The following USP6NL variants were observed in gnomAD, a reference collection of about 807,000 sequenced individuals.
USP6NL encodes USP6 N-terminal-like protein.
Under a neutral mutation model 61.9 loss-of-function variants are expected in USP6NL, and 26 were observed. The ratio of observed to expected loss-of-function variants is 0.42; its 90% CI spans 0.31 to 0.58. The LOEUF is 0.58. USP6NL is among the 20% of genes least tolerant of loss of function. The pLI is 0.16. For missense variants in USP6NL, 1,114 were observed against 1,034.3 expected, an observed-to-expected ratio of 1.08 and a Z score of -1.06; for synonymous variants, 432 against 390.1, an observed-to-expected ratio of 1.11 and a Z score of -1.27.
intron 6 of USP6NL, among the ~76,000 whole-genome samples, chr10:11,501,890 A>C (rs1834212440): frequency 6.6e-6 from 1 of 152,166 alleles, no homozygotes; most frequent in Admixed American, 6.5e-5. Flanking sequence ...CATTGATGCT[A>C]TCTGATAAGA....
chr10:11,591,664 A>C lies in USP6NL; in HGVS notation c.4+5967T>G, dbSNP rs547667348. On this transcript the variant is annotated intron_variant, in intron 2 of 14. Transcript: ENST00000609104. This position sits in a 1 kb window ranked among gnomAD's most constrained non-coding sequence, Gnocchi z 4.7. ...GAAAGGGAGAGGGAGAATCAAATGG[A>C]CAAAATGTAAATATTTGATAAATCT... Among the ~76,000 whole-genome samples the C allele has an allele frequency of 2.0e-5, 3 of 152,272 alleles. No homozygotes were observed. The East Asian group carries it at 5.8e-4, about 29-fold the overall frequency.
chr10:11,609,652 C>T (rs907446417), intron 1 of USP6NL, among the ~76,000 whole-genome samples: 1 of 152,182 alleles, frequency 6.6e-6, no homozygotes, highest in South Asian at 2.1e-4. Context: ...GCCTCTTTTT[C>T]ACCCATCTTA....
chr10:11,576,426 T>A (rs999292824), intron 2 of USP6NL, among the ~76,000 whole-genome samples: 3 of 152,194 alleles, frequency 2.0e-5, no homozygotes, highest in Non-Finnish European at 2.9e-5. Flanking sequence ...GGTGATGGTA[T>A]CATGAAGCAG....
At chr10:11,469,530 T>G (rs529520419) in intron 14 of USP6NL, among the ~76,000 whole-genome samples, 40 of 152,206 alleles carry the variant, frequency 2.6e-4, no homozygotes, top group Admixed American at 2.6e-3. Context: ...AACTACTGTT[T>G]AAGAGGAATA....
intron 6 of USP6NL, among the ~76,000 whole-genome samples, chr10:11,502,764 A>G (rs1369295814): frequency 6.6e-6 from 1 of 152,216 alleles, no homozygotes; most frequent in Non-Finnish European, 1.5e-5. Context: ...AAAACAGTGA[A>G]TACTGTAAGG....
At chr10:11,578,959 G>GAA (rs1410293386) in intron 2 of USP6NL, among the ~76,000 whole-genome samples, 1 of 152,146 alleles carries the variant, frequency 6.6e-6, no homozygotes, top group Non-Finnish European at 1.5e-5. Context: ...TTATACCACA[G>GAA]AAATTAGCAA....
Position 11,500,394 on chromosome 10 carries a change from A to AC in USP6NL, c.384+706_384+707insG, listed in dbSNP as rs528084004. ...ATTTTTTCCCATTTATTCCACATTA[A>AC]TTTTTTTGTACATATTTTCTAAGGA... On this transcript the variant is annotated intron_variant, in intron 7 of 14. Transcript: ENST00000609104. Among the ~76,000 whole-genome samples the AC allele has an allele frequency of 3.9e-4, 60 of 152,226 alleles. No homozygotes were observed. The South Asian group carries it at 0.012, about 32-fold the overall frequency.
rs1394154924 is a variant in USP6NL at position 11,611,494 on chromosome 10, C to G, written c.-135G>C. 4 of 160,048 alleles carry G rather than the reference C, an allele frequency of 2.5e-5. 1 individual carries two copies. The highest frequency in any genetic ancestry group is 7.2e-5 in the African/African-American group (3 of 41,568). 9.9% of individuals were successfully genotyped at this position (160,048 alleles called of 1,614,324 possible). On this transcript the variant is annotated 5_prime_UTR_variant, in exon 1 of 15. Transcript: ENST00000609104. The surrounding 1 kb of genome is among the most constrained non-coding windows in gnomAD (Gnocchi z 5.3). Reference sequence around the variant, plus strand: ...GTGGGCAGCGGACAGAGCTGGCGGTCCCGGGCGGCCGAGCAGATCCGGCGC... The same window carrying G: ...GTGGGCAGCGGACAGAGCTGGCGGTGCCGGGCGGCCGAGCAGATCCGGCGC...
chr10:11,572,466 T>C (rs953369319), intron 2 of USP6NL, among the ~76,000 whole-genome samples: 1 of 151,916 alleles, frequency 6.6e-6, no homozygotes, highest in Admixed American at 6.6e-5. Context: ...ATCACTTAAA[T>C]ACCACATTCT....
intron 2 of USP6NL, among the ~76,000 whole-genome samples, chr10:11,588,189 C>T (rs1838040370): frequency 6.6e-6 from 1 of 152,092 alleles, no homozygotes; most frequent in Non-Finnish European, 1.5e-5. Flanking sequence ...GGAACTATTC[C>T]AGATTGGAGG....
rs904098363 is a variant in USP6NL at position 11,491,660 on chromosome 10, G to A, written c.495-780C>T. Among the ~76,000 whole-genome samples the A allele has an allele frequency of 6.6e-6, 1 of 152,216 alleles. No individual in the cohort carries two copies. Among genetic ancestry groups the A allele is most frequent in the South Asian group, 2.1e-4 (1 of 4,832 alleles). ...GTTGCTATGACACAACAGACACAAG[G>A]AGGAGTACATCTGGAATGCAGGAGA... On this transcript the variant is annotated intron_variant, in intron 8 of 14. Transcript: ENST00000609104. This position sits in a 1 kb window ranked among gnomAD's most constrained non-coding sequence, Gnocchi z 4.7.
At chr10:11,483,895 A>G (rs1385008338) in intron 13 of USP6NL, among the ~76,000 whole-genome samples, 1 of 152,164 alleles carries the variant, frequency 6.6e-6, no homozygotes, top group African/African-American at 2.4e-5. Context: ...TAAACATAAC[A>G]AAAGTGCTTT....
chr10:11,568,840 G>A (rs947412731), intron 2 of USP6NL, among the ~76,000 whole-genome samples: 2 of 152,192 alleles, frequency 1.3e-5, no homozygotes, highest in African/African-American at 4.8e-5. Flanking sequence ...AAGCAGAGGT[G>A]ACAACTGTCT....
intron 2 of USP6NL, among the ~76,000 whole-genome samples, chr10:11,570,916 T>C (rs1290714395): frequency 6.6e-6 from 1 of 152,170 alleles, no homozygotes; most frequent in African/African-American, 2.4e-5. Flanking sequence ...CAGGTTACAT[T>C]GTCTTAACTC....
rs371732945 is a variant in USP6NL at position 11,536,487 on chromosome 10, G to T, written c.5-8920C>A. On this transcript the variant is annotated intron_variant, in intron 2 of 14. Coordinates refer to ENST00000609104, the MANE Select transcript of USP6NL (RefSeq NM_014688.5). ...TTGGAATTTGTGATACAAAGAACAA[G>T]GTTTAGACAATCAATAGCTTATGTT... 2.6e-5 allele frequency among the ~76,000 whole-genome samples: 4 copies of T among 152,156 alleles called. No homozygotes were observed. The East Asian group carries it at 7.7e-4, about 29-fold the overall frequency.
intron 4 of USP6NL, among the ~76,000 whole-genome samples, chr10:11,522,217 T>G (rs1835240103): frequency 6.6e-6 from 1 of 152,256 alleles, no homozygotes; most frequent in Non-Finnish European, 1.5e-5. Flanking sequence ...TCTAAAACTG[T>G]AATTAGATAT....
Position 11,481,684 on chromosome 10 carries a change from G to T in USP6NL, c.1078+86C>A. On this transcript the variant is annotated intron_variant, in intron 14 of 14. Coordinates refer to ENST00000609104, the MANE Select transcript of USP6NL (RefSeq NM_014688.5). The surrounding 1 kb of genome is among the most constrained non-coding windows in gnomAD (Gnocchi z 4.4). ...TCATCACAAGTATAATGCTTACGCT[G>T]TGGGCAAGAAACAGCCCATGTTAAT... 7 of 1,388,124 alleles carry T rather than the reference G, an allele frequency of 5.0e-6. No homozygotes were observed. The highest frequency in any genetic ancestry group is 6.7e-6 in the Non-Finnish European group (7 of 1,038,348). 86.0% of individuals were successfully genotyped at this position (1,388,124 alleles called of 1,614,324 possible).
Position 11,462,973 on chromosome 10 carries a change from C to T in USP6NL, c.1955G>A (p.Ser652Asn), listed in dbSNP as rs750301814. ...AGGGCTAAACTGTGGAGAAGCAAAG[C>T]TGCTGTTGGCAGTAGGGAAGTGTTT... is the stretch of plus-strand genomic sequence containing the variant. ...SPKHFPTANS[S>N]FASPQFSPGT... is the part of the protein sequence containing the mutation. The change falls in exon 15 of 15, where the codon AGC becomes AAC. Residue 652 changes from serine (S) to asparagine (N), a missense_variant. Coordinates refer to ENST00000609104, the MANE Select transcript of USP6NL (RefSeq NM_014688.5). 2 of 1,613,794 alleles carry T rather than the reference C, an allele frequency of 1.2e-6. No homozygotes were observed. The highest frequency in any genetic ancestry group is 1.7e-5 in the Admixed American group (1 of 59,974).
intron 14 of USP6NL, among the ~76,000 whole-genome samples, chr10:11,473,664 C>T (rs1481993639): frequency 1.8e-4 from 27 of 151,986 alleles, no homozygotes; most frequent in Admixed American, 1.8e-3. Flanking sequence ...TGACAGAACT[C>T]TCATTACCAA....
Sources: allele counts gnomAD v4.1 joint callset (sites outside exome capture counted in the v4.1 genomes callset), GRCh38; gene constraint gnomAD v4.1.1; non-coding constraint Gnocchi (gnomAD v3.1); transcripts MANE v1.5; gene names NCBI Gene and HGNC (gene_info 2026-07-23, HGNC 2026-07-21).